ELAPOR2: variants seen among roughly 807,000 people sequenced by gnomAD.
ELAPOR2 encodes endosome/lysosome-associated apoptosis and autophagy regulator family member 2.
ELAPOR2 carries 89 observed loss-of-function variants against 120.7 expected under a neutral mutation model. That is an observed-to-expected ratio of 0.74 (90% confidence interval 0.62 to 0.88). ELAPOR2 has a LOEUF of 0.88. Ranked by LOEUF, ELAPOR2 falls within the 40% of genes least tolerant of loss-of-function variation. The probability of loss-of-function intolerance (pLI) is 0.00; values close to 1 mark genes in which losing one functional copy is unlikely to be tolerated. For missense variants in ELAPOR2, 1,134 were observed against 1,251.6 expected, an observed-to-expected ratio of 0.91 and a Z score of 1.42; for synonymous variants, 444 against 444.9, an observed-to-expected ratio of 1.00 and a Z score of 0.03.
At chr7:86,913,293 CTAAA>C (rs1584342359) in intron 13 of ELAPOR2, 89 bp from the exon 14 acceptor site, 3 of 1,265,140 alleles carry the variant, frequency 2.4e-6, no homozygotes, top group East Asian at 2.4e-5. Flanking sequence ...ATCAAAATAA[CTAAA>C]TAGAGTGTTC....
chr7:87,048,960 GATC>G (rs1394023250), intron 1 of ELAPOR2, among the ~76,000 whole-genome samples: 1 of 152,070 alleles, frequency 6.6e-6, no homozygotes, highest in Non-Finnish European at 1.5e-5. Flanking sequence ...CATTGTTTTT[GATC>G]ATAACAAACA....
intron 1 of ELAPOR2, among the ~76,000 whole-genome samples, chr7:87,038,786 A>G (rs745569998): frequency 6.6e-5 from 10 of 152,152 alleles, no homozygotes; most frequent in Non-Finnish European, 1.3e-4. Context: ...ATACAACAAA[A>G]GCAGTATTAA....
chr7:87,039,887 C>A (rs1405808009), intron 1 of ELAPOR2, among the ~76,000 whole-genome samples: 2 of 152,106 alleles, frequency 1.3e-5, no homozygotes, highest in Non-Finnish European at 2.9e-5. Flanking sequence ...GAGTGCCAGA[C>A]AGAGGGCGCA....
chr7:86,940,173 T>C, intron 5 of ELAPOR2, 58 bp from the exon 6 acceptor site: 1 of 1,010,392 alleles, frequency 9.9e-7, no homozygotes, highest in Non-Finnish European at 1.5e-6. Flanking sequence ...TTCCAAAAGC[T>C]ACTCCCTTAC....
intron 2 of ELAPOR2, among the ~76,000 whole-genome samples, chr7:86,956,599 C>G (rs1791480909): frequency 6.6e-6 from 1 of 152,074 alleles, no homozygotes; most frequent in African/African-American, 2.4e-5. Context: ...GATAGTAATC[C>G]CCGTTAAATC....
intron 1 of ELAPOR2, among the ~76,000 whole-genome samples, chr7:87,049,059 A>G (rs1440134328): frequency 6.6e-6 from 1 of 152,226 alleles, no homozygotes; most frequent in Non-Finnish European, 1.5e-5. Flanking sequence ...TCATTCAACA[A>G]GCATTTATTG....
chr7:86,937,196 T>C (rs1005138137), intron 8 of ELAPOR2, among the ~76,000 whole-genome samples: 2 of 152,078 alleles, frequency 1.3e-5, no homozygotes, highest in African/African-American at 2.4e-5. Context: ...ATCATTGCAA[T>C]TTGCCACTAA....
intron 7 of ELAPOR2, 66 bp downstream of exon 7, chr7:86,938,742 T>C: frequency 1.3e-6 from 2 of 1,558,476 alleles, no homozygotes; most frequent in Non-Finnish European, 1.8e-6. Flanking sequence ...TGACTTCTGG[T>C]TTATAAATGT....
chr7:86,999,554 A>G (rs1793242263), intron 1 of ELAPOR2, among the ~76,000 whole-genome samples: 1 of 152,212 alleles, frequency 6.6e-6, no homozygotes, highest in South Asian at 2.1e-4. Context: ...TAGGTCAATT[A>G]GCAAATAGAC....
At chr7:86,913,269 C>A in intron 13 of ELAPOR2, 65 bp from the exon 14 acceptor site, 2 of 1,490,074 alleles carry the variant, frequency 1.3e-6, no homozygotes, top group Admixed American at 1.8e-5. Flanking sequence ...CAGATTATGT[C>A]TTCTGTTGAC....
intron 1 of ELAPOR2, among the ~76,000 whole-genome samples, chr7:87,028,980 T>C (rs1039266339): frequency 1.3e-5 from 2 of 152,200 alleles, no homozygotes; most frequent in Admixed American, 1.3e-4. Flanking sequence ...TGGAAGATCC[T>C]TCCCCAGATG....
At chr7:87,033,461 GTGGTT>G (rs1391360704) in intron 1 of ELAPOR2, among the ~76,000 whole-genome samples, 1 of 152,138 alleles carries the variant, frequency 6.6e-6, no homozygotes, top group Non-Finnish European at 1.5e-5. Context: ...AAAAGGTAAA[GTGGTT>G]GGCAGAAAAA....
At chr7:87,058,462 T>C (rs1297487520) in intron 1 of ELAPOR2, among the ~76,000 whole-genome samples, 10 of 151,874 alleles carry the variant, frequency 6.6e-5, no homozygotes, top group Non-Finnish European at 2.9e-5. Context: ...ATTAAGAGGA[T>C]GCACTTTCTG....
intron 1 of ELAPOR2, among the ~76,000 whole-genome samples, chr7:87,009,361 T>A (rs1021891867): frequency 3.3e-5 from 5 of 152,192 alleles, no homozygotes; most frequent in African/African-American, 9.6e-5. Context: ...AAAGGTGTTT[T>A]ACACAGACAG....
At chr7:86,952,000 A>T (rs1243947005) in intron 2 of ELAPOR2, among the ~76,000 whole-genome samples, 1 of 152,212 alleles carries the variant, frequency 6.6e-6, no homozygotes, top group Non-Finnish European at 1.5e-5. Context: ...ACCCAAAAAA[A>T]TAACTAAAAT....
intron 1 of ELAPOR2, among the ~76,000 whole-genome samples, chr7:86,984,601 A>T (rs1173942427): frequency 6.6e-6 from 1 of 152,250 alleles, no homozygotes; most frequent in East Asian, 1.9e-4. Context: ...TAAATAACAC[A>T]ATGAAGGCAG....
At chr7:86,966,797 G>A (rs1361197059) in intron 1 of ELAPOR2, among the ~76,000 whole-genome samples, 1 of 152,144 alleles carries the variant, frequency 6.6e-6, no homozygotes, top group Non-Finnish European at 1.5e-5. Flanking sequence ...AGCTTGAGGA[G>A]AGAATCCACT....
intron 1 of ELAPOR2, among the ~76,000 whole-genome samples, chr7:87,054,717 C>T (rs1469733160): frequency 6.6e-6 from 1 of 152,174 alleles, no homozygotes. Flanking sequence ...CTCTATAACA[C>T]AATTCCACTC....
Position 86,878,325 on chromosome 7 carries a change from G to A in ELAPOR2, c.*2146C>T, listed in dbSNP as rs1422084189. 2 of 151,998 alleles carry A rather than the reference G, an allele frequency of 1.3e-5. No homozygotes were observed. The highest frequency in any genetic ancestry group is 2.4e-5 in the African/African-American group (1 of 41,380). The allele number at this position is 151,998 out of a possible 1,614,324, so 9.4% of individuals were successfully genotyped here. ...AAAATGACAAACCACTGGAATCCAA[G>A]GGAAAAAATCACCTCCTTCCCAAAG... On this transcript the variant is annotated 3_prime_UTR_variant, in exon 22 of 22. Transcript: ENST00000450689.
Sources: gnomAD v4.1 joint callset for allele counts (sites outside exome capture counted in the v4.1 genomes callset) on GRCh38, gnomAD v4.1.1 for gene constraint, MANE v1.5 for transcripts, NCBI Gene and HGNC (gene_info 2026-07-23, HGNC 2026-07-21) for gene names.